PLA2R1: variants seen among roughly 807,000 people sequenced by gnomAD.
The protein encoded by PLA2R1 is secretory phospholipase A2 receptor.
In PLA2R1, 158 loss-of-function variants were observed where a neutral mutation model predicts 195.9. That is an observed-to-expected ratio of 0.81 (90% CI 0.71 to 0.92). The LOEUF is 0.92. Among genes scored for constraint, PLA2R1 ranks in the 40% least tolerant of loss-of-function variants. PLA2R1 has a pLI of 0.00. For missense variants in PLA2R1, 1,626 were observed against 1,764.6 expected, an observed-to-expected ratio of 0.92 and a Z score of 1.41; for synonymous variants, 586 against 598.2, an observed-to-expected ratio of 0.98 and a Z score of 0.30.
Position 160,013,443 on chromosome 2 carries a change from C to T in PLA2R1, c.1552-68G>A, listed in dbSNP as rs550411615. ...AGTTAAATACCAAGAGATATTTTTGCATACTCTTTTACCACCTACATAACT... is the reference window on the plus strand; with the variant it reads ...AGTTAAATACCAAGAGATATTTTTGTATACTCTTTTACCACCTACATAACT... On this transcript the variant is annotated intron_variant, in intron 9 of 29. Transcript: ENST00000283243. 1.4e-5 allele frequency: 13 copies of T among 898,064 alleles called. No homozygotes were observed. In the South Asian group the frequency reaches 1.8e-4, roughly 13 times the overall value. 55.6% of individuals were successfully genotyped at this position (898,064 alleles called of 1,614,324 possible). A position where few individuals can be genotyped will look rare whatever the true frequency, so the allele number is the denominator to read the frequency against.
At chr2:160,056,428 C>G (rs1197434209) in intron 1 of PLA2R1, among the ~76,000 whole-genome samples, 1 of 152,132 alleles carries the variant, frequency 6.6e-6, no homozygotes, top group Non-Finnish European at 1.5e-5. Flanking sequence ...TTTGCCTCTT[C>G]TTCACTTTGG....
chr2:159,986,395 C>A (rs567773320), intron 12 of PLA2R1, among the ~76,000 whole-genome samples: 19 of 152,032 alleles, frequency 1.2e-4, no homozygotes, highest in South Asian at 6.2e-4. Flanking sequence ...TTACTTTGCC[C>A]ATCTTGTTGT....
chr2:160,022,444 T>A (rs1693197355), intron 7 of PLA2R1, among the ~76,000 whole-genome samples: 1 of 152,168 alleles, frequency 6.6e-6, no homozygotes, highest in Non-Finnish European at 1.5e-5. Flanking sequence ...TTAAAAATCA[T>A]CTAATATATG....
At position 159,976,132 on chromosome 2, in the gene PLA2R1, T is replaced by C. The variant is rs144116921; in HGVS notation, c.2531A>G (p.His844Arg). ...LNFEFVCSWL[H>R]SDLLTIHSAH... is the part of the protein sequence containing the mutation. ...AGAATGAATTGTGAGAAGATCACTG[T>C]GCAGCCAGCTACAGACAAACTCAAA... Residue 844 changes from histidine (H) to arginine (R), a missense_variant, in exon 17 of 30, where the codon CAC becomes CGC. His to Arg is a conservative substitution (Grantham distance 29). Transcript: ENST00000283243. 19 of 1,612,986 alleles carry C rather than the reference T, an allele frequency of 1.2e-5. No individual in the cohort carries two copies. In the African/African-American group the frequency reaches 1.9e-4, roughly 16 times the overall value.
chr2:159,991,332 C>T (rs1217431095), intron 11 of PLA2R1, among the ~76,000 whole-genome samples: 3 of 151,970 alleles, frequency 2.0e-5, no homozygotes, highest in Non-Finnish European at 4.4e-5. Flanking sequence ...CTGGGTTTAT[C>T]CTTATTTATA....
At chr2:160,040,457 T>C (rs1249133461) in intron 3 of PLA2R1, among the ~76,000 whole-genome samples, 2 of 152,214 alleles carry the variant, frequency 1.3e-5, no homozygotes, top group African/African-American at 4.8e-5. Flanking sequence ...GTATATTGCA[T>C]AGAATTATCT....
At chr2:159,981,030 G>A (rs537978520) in intron 13 of PLA2R1, among the ~76,000 whole-genome samples, 39 of 152,236 alleles carry the variant, frequency 2.6e-4, no homozygotes, top group African/African-American at 3.4e-4. Context: ...CATTAATCTC[G>A]ATGGCATAGG....
At position 160,008,753 on chromosome 2, in the gene PLA2R1, A is replaced by G. The variant is rs374265623; in HGVS notation, c.1665-2932T>C. The stretch of plus-strand genomic sequence containing the variant: ...ATCAAAGGACACTATCAACAGAATG[A>G]AAAGGCAACCCACAAAATGGGAGAA... On this transcript the variant is annotated intron_variant, in intron 10 of 29. Coordinates refer to ENST00000283243, the MANE Select transcript of PLA2R1 (RefSeq NM_007366.5). 5.9e-5 allele frequency among the ~76,000 whole-genome samples: 9 copies of G among 152,254 alleles called. No homozygotes were observed. In the South Asian group the frequency reaches 1.9e-3, roughly 32 times the overall value.
rs1454142074 is a variant in PLA2R1, at chr2:160,022,869, C to T, written c.1100-10G>A. 3 of 1,553,338 alleles carry T rather than the reference C, an allele frequency of 1.9e-6. No homozygotes were observed. The highest frequency in any genetic ancestry group is 1.4e-5 in the African/African-American group (1 of 72,658). On this transcript the variant is annotated splice_polypyrimidine_tract_variant and intron_variant, in intron 6 of 29. Transcript: ENST00000283243. ...TTCCACGCATCTTTTTCTTTTTAAA[C>T]CAACAAAAAACAATGTCATTTTCCA... is the stretch of plus-strand genomic sequence containing the variant.
At chr2:160,011,928 C>T (rs1692389451) in intron 10 of PLA2R1, among the ~76,000 whole-genome samples, 1 of 149,890 alleles carries the variant, frequency 6.7e-6, no homozygotes, top group African/African-American at 2.5e-5. Context: ...CTGCCAAATG[C>T]TATCAATCCA....
intron 2 of PLA2R1, among the ~76,000 whole-genome samples, chr2:160,042,856 A>G (rs1255481391): frequency 4.4e-5 from 5 of 114,668 alleles, no homozygotes; most frequent in Non-Finnish European, 8.5e-5. Flanking sequence ...TGTGAGACAG[A>G]GGGAGAGAGA....
intron 28 of PLA2R1, among the ~76,000 whole-genome samples, chr2:159,944,002 T>G (rs1687238374): frequency 6.6e-6 from 1 of 152,136 alleles, no homozygotes; most frequent in South Asian, 2.1e-4. Context: ...TCTCTTCATA[T>G]CCTCATGAGT....
chr2:159,934,031 A>T lies in PLA2R1; in HGVS notation c.*7747T>A, dbSNP rs1686697289. 1.3e-5 allele frequency: 2 copies of T among 152,232 alleles called. No homozygotes were observed. The highest frequency in any genetic ancestry group is 4.8e-5 in the African/African-American group (2 of 41,462). The allele number at this position is 152,232 out of a possible 1,614,324, so 9.4% of individuals were successfully genotyped here. ...ATTTGGCCCTGCCAACTCCTGCTCT[A>T]AATCCTTATTTTGAAAGGTGGGGAA... On this transcript the variant is annotated 3_prime_UTR_variant, in exon 30 of 30. Coordinates refer to ENST00000283243, the MANE Select transcript of PLA2R1 (RefSeq NM_007366.5).
At chr2:160,052,280 C>T (rs12472690) in intron 1 of PLA2R1, among the ~76,000 whole-genome samples, 16,619 of 152,212 alleles carry the variant, frequency 0.11, 1,284 homozygotes, top group Admixed American at 0.27. Context: ...TGTCTGTTAC[C>T]AACCCCTGTG....
chr2:159,926,898 C>T, the PLA2R1 span, among the ~76,000 whole-genome samples: 3 of 152,222 alleles, frequency 2.0e-5, no homozygotes, highest in East Asian at 5.8e-4. Flanking sequence ...AGCACTGCGT[C>T]CCCGGTGGAG....
At position 160,016,727 on chromosome 2, in the gene PLA2R1, G is replaced by A; in HGVS notation, c.1453-15C>T. ...CAGTGTCCCTCCTACGGAGAAAAAT[G>A]TTACAAGAGAATGAATACACTCTGT... On this transcript the variant is annotated splice_polypyrimidine_tract_variant and intron_variant, in intron 8 of 29. Coordinates refer to ENST00000283243, the MANE Select transcript of PLA2R1 (RefSeq NM_007366.5). 1 of 1,273,032 alleles carries A rather than the reference G, an allele frequency of 7.9e-7. No individual in the cohort carries two copies. The highest frequency in any genetic ancestry group is 1.2e-6 in the Non-Finnish European group (1 of 869,450). 78.9% of individuals were successfully genotyped at this position (1,273,032 alleles called of 1,614,324 possible).
chr2:160,012,842 G>C (rs950154188), intron 10 of PLA2R1, among the ~76,000 whole-genome samples: 3 of 152,104 alleles, frequency 2.0e-5, no homozygotes, highest in Admixed American at 6.6e-5. Context: ...AACCTGGGAG[G>C]TGGAGGTTGC....
At chr2:160,003,011 C>A (rs1478004611) in intron 11 of PLA2R1, among the ~76,000 whole-genome samples, 1 of 151,886 alleles carries the variant, frequency 6.6e-6, no homozygotes, top group Non-Finnish European at 1.5e-5. Context: ...TTTTTCAATA[C>A]CACACTGCTT....
At chr2:160,040,282 C>T (rs1267986030) in intron 3 of PLA2R1, among the ~76,000 whole-genome samples, 2 of 151,864 alleles carry the variant, frequency 1.3e-5, no homozygotes, top group Non-Finnish European at 2.9e-5. Flanking sequence ...CCCCACTACC[C>T]AGGCTTCCCT....
Sources: gnomAD v4.1 joint callset for allele counts (sites outside exome capture counted in the v4.1 genomes callset) on GRCh38, gnomAD v4.1.1 for gene constraint, MANE v1.5 for transcripts, NCBI Gene and HGNC (gene_info 2026-07-23, HGNC 2026-07-21) for gene names.